SIGLEC11: variants seen among roughly 807,000 people sequenced by gnomAD.
SIGLEC11 encodes sialic acid-binding Ig-like lectin 11.
SIGLEC11 carries 47 observed loss-of-function variants against 61.2 expected under a neutral mutation model. That is an observed-to-expected ratio of 0.77 (90% CI 0.61 to 0.98). The LOEUF (loss-of-function observed/expected upper bound fraction) is 0.98. Ranked by LOEUF, SIGLEC11 falls within the 50% of genes least tolerant of loss-of-function variation. The probability of loss-of-function intolerance (pLI) is 0.00; values close to 1 mark genes in which losing one functional copy is unlikely to be tolerated. For synonymous variants in SIGLEC11, 278 were observed against 373.1 expected (o/e 0.75, Z 2.94); for missense variants, 610 against 870.3 (o/e 0.70, Z 3.76).
In SIGLEC11 at chr19:49,958,799, A is replaced by T. The variant is rs764124969; in HGVS notation, c.1207T>A (p.Trp403Arg). 3 of 1,613,356 alleles carry T rather than the reference A, an allele frequency of 1.9e-6. No homozygotes were observed. The African/African-American group carries it at 4.0e-5, about 22-fold the overall frequency. ...CCCACGGTCTGTCCCCACCGGGTCCAGCTCAGCCTGGCTGGGGGGCTGCTG... is the reference window on the plus strand; with the variant it reads ...CCCACGGTCTGTCCCCACCGGGTCCTGCTCAGCCTGGCTGGGGGGCTGCTG... ...THSSPPARLS[W>R]TRWGQTVGPS... is the part of the protein sequence containing the mutation. Residue 403 changes from tryptophan to arginine, a missense_variant, in exon 7 of 11, where the codon TGG becomes AGG. Trp to Arg is a moderately radical substitution (Grantham distance 101). Transcript: ENST00000447370.
intron 10 of SIGLEC11, among the ~76,000 whole-genome samples, chr19:49,950,492 C>T (rs2076152255): frequency 6.6e-6 from 1 of 152,132 alleles, no homozygotes; most frequent in African/African-American, 2.4e-5. Flanking sequence ...CTCATAAAAT[C>T]CTCACCACAA....
intron 8 of SIGLEC11, among the ~76,000 whole-genome samples, chr19:49,956,811 T>C (rs1348492244): frequency 6.6e-6 from 1 of 152,106 alleles, no homozygotes; most frequent in Non-Finnish European, 1.5e-5. Flanking sequence ...TTAGATTTAC[T>C]GGCCCAGCAA....
intron 9 of SIGLEC11, 151 bp downstream of exon 9, chr19:49,952,147 G>A: frequency 1.2e-5 from 12 of 1,011,288 alleles, no homozygotes; most frequent in Non-Finnish European, 1.4e-5. Context: ...CCCAGATCAG[G>A]GCTCTGGAGC....
Position 49,960,313 on chromosome 19 carries a change from G to A in SIGLEC11, c.569C>T (p.Ser190Phe). ...NWAFKKCPAP[S>F]FSWTGAALSP... Reference sequence around the variant, plus strand: ...GAGGGCAGCCCCCGTCCAGGAGAAAGAAGGGGCTGGACATTTCTTGAAAGC... The same window carrying A: ...GAGGGCAGCCCCCGTCCAGGAGAAAAAAGGGGCTGGACATTTCTTGAAAGC... The change falls in exon 3 of 11, where the codon TCT (serine) becomes TTT (phenylalanine). Residue 190 changes from serine (S) to phenylalanine (F), a missense_variant. Coordinates refer to ENST00000447370, the MANE Select transcript of SIGLEC11 (RefSeq NM_052884.3). The A allele has an allele frequency of 6.2e-7, 1 of 1,603,800 alleles. No homozygotes were observed. The highest frequency in any genetic ancestry group is 1.1e-5 in the South Asian group (1 of 90,634).
rs752723570 is a variant in SIGLEC11, at chr19:49,958,698, G to A, written c.1308C>T (p.Cys436=). 27 of 1,612,066 alleles carry A rather than the reference G, an allele frequency of 1.7e-5. No homozygotes were observed. In the South Asian group the frequency reaches 2.8e-4, roughly 16 times the overall value. ...GGGAGCCCAGAGGGTGCTGAGCGTG[G>A]CAGGTGAACTCTCCTTCGTGCTCCA... ...IQMEHEGEFT[C]HAQHPLGSQH... The change falls in exon 7 of 11, where the codon TGC becomes TGT. Residue 436 remains cysteine, a synonymous_variant. Coordinates refer to ENST00000447370, the MANE Select transcript of SIGLEC11 (RefSeq NM_052884.3).
At chr19:49,957,408 C>T (rs1001612758) in intron 8 of SIGLEC11, among the ~76,000 whole-genome samples, 2 of 150,172 alleles carry the variant, frequency 1.3e-5, no homozygotes, top group African/African-American at 2.4e-5. Flanking sequence ...AAAAAAAACC[C>T]AAGTCTTTCT....
chr19:49,954,775 C>T (rs1169170506), intron 8 of SIGLEC11, among the ~76,000 whole-genome samples: 1 of 152,028 alleles, frequency 6.6e-6, no homozygotes, highest in African/African-American at 2.4e-5. Context: ...GGCTAAAACC[C>T]CATGCACCAG....
At position 49,958,844 on chromosome 19, in the gene SIGLEC11, G is replaced by T. The variant is rs145434757; in HGVS notation, c.1162C>A (p.Arg388Ser). The change falls in exon 7 of 11, where the codon CGC becomes AGC. Residue 388 changes from arginine (R) to serine (S), a missense_variant. Around this residue, in one of 6 missense-constraint regions of SIGLEC11, gnomAD observed 432 missense variants for 441.5 expected, o/e 0.98. Coordinates refer to ENST00000447370, the MANE Select transcript of SIGLEC11 (RefSeq NM_052884.3). The stretch of plus-strand genomic sequence containing the variant: ...CTGCTGTGGGTGACACAGACCAGGC[G>T]CAGGCTTTGGCCCTCCAGGACCGGG... ...SLPVLEGQSLRLVCVTHSSPP... is the reference protein window; with the variant it reads ...SLPVLEGQSLSLVCVTHSSPP... 2 of 1,609,188 alleles carry T rather than the reference G, an allele frequency of 1.2e-6. No homozygotes were observed. The highest frequency in any genetic ancestry group is 1.7e-6 in the Non-Finnish European group (2 of 1,177,452).
At chr19:49,952,028 C>G in intron 9 of SIGLEC11, 56 bp from the exon 10 acceptor site, 2 of 1,523,048 alleles carry the variant, frequency 1.3e-6, no homozygotes, top group Admixed American at 3.9e-5. Flanking sequence ...CCTGGGGAAA[C>G]TGCTACCCAC....
chr19:49,951,668 G>A lies in SIGLEC11; in HGVS notation c.1830+223C>T, dbSNP rs1039357697. ...GGTCCACTGGATCTGAGCACAGGCA[G>A]AGTATGGACAGGCCTGGGGGGCCCT... On this transcript the variant is annotated intron_variant, in intron 10 of 10. Transcript: ENST00000447370. The surrounding 1 kb of genome is among the most constrained non-coding windows in gnomAD (Gnocchi z 4.6). Among the ~76,000 whole-genome samples, 4 of 152,196 alleles carry A rather than the reference G, an allele frequency of 2.6e-5. No homozygotes were observed. Among genetic ancestry groups the A allele is most frequent in the African/African-American group, 7.2e-5 (3 of 41,446 alleles).
rs767835963 is a variant in SIGLEC11, at chr19:49,952,338, C to T, written c.1708G>A (p.Ala570Thr). The T allele has an allele frequency of 4.2e-5, 68 of 1,611,136 alleles. No individual in the cohort carries two copies. Among genetic ancestry groups the T allele is most frequent in the East Asian group, 2.0e-4 (9 of 44,884 alleles). Reference protein sequence around the residue: ...GLGAALGAGVAALLAFCSCLV... With the variant: ...GLGAALGAGVTALLAFCSCLV... ...CAGGAACAGAAAGCGAGCAGGGCAG[C>T]GACGCCAGCTCCCAGGGCAGCCCCC... Residue 570 changes from alanine (A) to threonine (T), a missense_variant, in exon 9 of 11, where the codon GCT becomes ACT. This residue lies in a region of SIGLEC11 where 432 missense variants were observed against 441.5 expected (regional missense o/e 0.98). Coordinates refer to ENST00000447370, the MANE Select transcript of SIGLEC11 (RefSeq NM_052884.3).
chr19:49,956,116 T>A (rs771778821), intron 8 of SIGLEC11, among the ~76,000 whole-genome samples: 1 of 152,168 alleles, frequency 6.6e-6, no homozygotes, highest in African/African-American at 2.4e-5. Context: ...GGAAGACCAA[T>A]GGCCTTGGAA....
At chr19:49,958,962 G>A (rs1471874914) in intron 6 of SIGLEC11, 62 bp from the exon 7 acceptor site, 4 of 1,612,842 alleles carry the variant, frequency 2.5e-6, no homozygotes, top group African/African-American at 1.3e-5. Flanking sequence ...CCTGTGTGGG[G>A]ACCCTCCAGA....
At chr19:49,952,799 C>G (rs573705634) in intron 8 of SIGLEC11, among the ~76,000 whole-genome samples, 2 of 151,340 alleles carry the variant, frequency 1.3e-5, no homozygotes, top group African/African-American at 4.8e-5. Flanking sequence ...CTTTTTTTTT[C>G]CTTTTGATAC....
At position 49,952,289 on chromosome 19, in the gene SIGLEC11, G is replaced by A. The variant is rs201571565; in HGVS notation, c.1748+9C>T. 180 of 1,612,148 alleles carry A rather than the reference G, an allele frequency of 1.1e-4. 2 individuals carry two copies. The African/African-American group carries it at 2.2e-3, about 19-fold the overall frequency. Reference sequence around the variant, plus strand: ...CCACACCCTGCATTGCCTGCCCTCCGATGCTTACCTGAAGACGACAAGGCA... The same window carrying A: ...CCACACCCTGCATTGCCTGCCCTCCAATGCTTACCTGAAGACGACAAGGCA... On this transcript the variant is annotated intron_variant, in intron 9 of 10. Transcript: ENST00000447370.
Position 49,955,599 on chromosome 19 carries a change from T to TA in SIGLEC11, c.1651+2683dup, listed in dbSNP as rs985971934. On this transcript the variant is annotated intron_variant, in intron 8 of 10. Coordinates refer to ENST00000447370, the MANE Select transcript of SIGLEC11 (RefSeq NM_052884.3). This position sits in a 1 kb window ranked among gnomAD's most constrained non-coding sequence, Gnocchi z 4.5. ...GGAAAAAGGAAGCAGAACATAGGCTTAAAAAAAAAGGCCAATCTGTTGGCA... is the reference window on the plus strand; with the variant it reads ...GGAAAAAGGAAGCAGAACATAGGCTTAAAAAAAAAAGGCCAATCTGTTGGCA... Among the ~76,000 whole-genome samples the TA allele has an allele frequency of 7.3e-5, 11 of 150,448 alleles. No individual in the cohort carries two copies. Among genetic ancestry groups the TA allele is most frequent in the African/African-American group, 2.7e-4 (11 of 40,964 alleles).
rs747171253 is a variant in SIGLEC11, at chr19:49,958,538, A to C, written c.1396T>G (p.Trp466Gly). The C allele has an allele frequency of 1.7e-5, 27 of 1,586,618 alleles. No homozygotes were observed. The South Asian group carries it at 2.7e-4, about 16-fold the overall frequency. The change falls in exon 8 of 11, where the codon TGG (tryptophan) becomes GGG (glycine). Residue 466 changes from tryptophan (W) to glycine (G), a missense_variant. Physicochemically the swap from Trp to Gly is radical, Grantham distance 184. This residue lies in a region of SIGLEC11 where 432 missense variants were observed against 441.5 expected (regional missense o/e 0.98). Coordinates refer to ENST00000447370, the MANE Select transcript of SIGLEC11 (RefSeq NM_052884.3). ...CTGCAGTGCAGACCCTCAGCCTCCC[A>C]GGAGCAGGAGGGGCCCAGCAGCTGT... Reference protein sequence around the residue: ...PPQLLGPSCSWEAEGLHCSCS... With the variant: ...PPQLLGPSCSGEAEGLHCSCS...
chr19:49,951,823 G>T lies in SIGLEC11; in HGVS notation c.1830+68C>A, dbSNP rs371747030. On this transcript the variant is annotated intron_variant, in intron 10 of 10. Coordinates refer to ENST00000447370, the MANE Select transcript of SIGLEC11 (RefSeq NM_052884.3). This position sits in a 1 kb window ranked among gnomAD's most constrained non-coding sequence, Gnocchi z 4.6. ...ACAATGATTCTGCAAGTCACCAAGAGGACTACCCATGGCCATCAAGGAAAG... is the reference window on the plus strand; with the variant it reads ...ACAATGATTCTGCAAGTCACCAAGATGACTACCCATGGCCATCAAGGAAAG... 7.4e-7 allele frequency: 1 copy of T among 1,349,980 alleles called. No homozygotes were observed. Among genetic ancestry groups the T allele is most frequent in the East Asian group, 2.5e-5 (1 of 39,956 alleles). 83.6% of individuals were successfully genotyped at this position (1,349,980 alleles called of 1,614,324 possible). A position where few individuals can be genotyped will look rare whatever the true frequency, so the allele number is the denominator to read the frequency against.
Position 49,961,121 on chromosome 19 carries a change from C to T in SIGLEC11, c.-40G>A. ...GGCCTGGCTGGGAAGGAAACTCCTC[C>T]AGCAGGAAGCCTGGTGGAGGGGCAG... On this transcript the variant is annotated 5_prime_UTR_variant, in exon 1 of 11. Coordinates refer to ENST00000447370, the MANE Select transcript of SIGLEC11 (RefSeq NM_052884.3). The T allele has an allele frequency of 6.6e-7, 1 of 1,510,828 alleles. No homozygotes were observed. The highest frequency in any genetic ancestry group is 1.3e-5 in the South Asian group (1 of 79,526). The allele number at this position is 1,510,828 out of a possible 1,614,324, so 93.6% of individuals were successfully genotyped here.
Sources: allele counts gnomAD v4.1 joint callset (sites outside exome capture counted in the v4.1 genomes callset), GRCh38; gene constraint gnomAD v4.1.1; regional missense constraint gnomAD v4.1.1; non-coding constraint Gnocchi (gnomAD v3.1); transcripts MANE v1.5; gene names NCBI Gene and HGNC (gene_info 2026-07-23, HGNC 2026-07-21).